The following IGDCC4 variants were observed in gnomAD, a reference collection of about 807,000 sequenced individuals.
IGDCC4 encodes likely ortholog of mouse neighbor of Punc E11.
In IGDCC4, 72 loss-of-function variants were observed where a neutral mutation model predicts 116.6. That is an observed-to-expected ratio of 0.62 (90% CI 0.51 to 0.75). The LOEUF (loss-of-function observed/expected upper bound fraction) is 0.75. Among genes scored for constraint, IGDCC4 ranks in the 30% least tolerant of loss-of-function variants. The pLI is 0.00. For missense variants in IGDCC4, 1,501 were observed against 1,662.4 expected (o/e 0.90, Z 1.69); for synonymous variants, 709 against 719.9 (o/e 0.98, Z 0.24).
intron 18 of IGDCC4, chr15:65,385,622 G>A (rs2091447755): frequency 1.6e-6 from 1 of 635,922 alleles, no homozygotes; most frequent in Non-Finnish European, 2.8e-6. Context: ...TTTCCTTCGT[G>A]AGAACCAAGC....
chr15:65,391,506 G>A (rs1350550131), intron 12 of IGDCC4, among the ~76,000 whole-genome samples: 1 of 152,174 alleles, frequency 6.6e-6, no homozygotes, highest in Non-Finnish European at 1.5e-5. Context: ...ACTCTTCTTA[G>A]ACTTGAGAGA....
Position 65,384,137 on chromosome 15 carries a change from A to G in IGDCC4, c.3625T>C (p.Ser1209Pro), listed in dbSNP as rs1421100424. Reference protein sequence around the residue: ...CLPEAASASCSYPDLQPGEVL... With the variant: ...CLPEAASASCPYPDLQPGEVL... ...TCGCCTGGCTGGAGGTCCGGGTAGG[A>G]GCAGGAAGCACTGGCTGCCTCTGGC... Residue 1209 changes from serine (S) to proline (P), a missense_variant, in exon 20 of 20, where the codon TCC (serine) becomes CCC (proline). Transcript: ENST00000352385. This position sits in a 1 kb window ranked among gnomAD's most constrained non-coding sequence, Gnocchi z 4.9. The G allele has an allele frequency of 6.2e-7, 1 of 1,613,474 alleles. No individual in the cohort carries two copies. The highest frequency in any genetic ancestry group is 8.5e-7 in the Non-Finnish European group (1 of 1,179,758).
At chr15:65,401,467 GGGTGGAGT>G (rs2062985255) in intron 4 of IGDCC4, among the ~76,000 whole-genome samples, 1 of 152,170 alleles carries the variant, frequency 6.6e-6, no homozygotes, top group Non-Finnish European at 1.5e-5. Flanking sequence ...CTGGCCCCCT[GGGTGGAGT>G]GGTGAATATC....
In IGDCC4 at chr15:65,405,276, G is replaced by A. The variant is rs1054817790; in HGVS notation, c.564-2789C>T. ...GGGTTTTCTGTAGGAGTGAGATTACGGGGGATTCTTATTTATTGTGCCTGT... is the reference window on the plus strand; with the variant it reads ...GGGTTTTCTGTAGGAGTGAGATTACAGGGGATTCTTATTTATTGTGCCTGT... On this transcript the variant is annotated intron_variant, in intron 3 of 19. Transcript: ENST00000352385. Among the ~76,000 whole-genome samples the A allele has an allele frequency of 5.3e-5, 8 of 151,322 alleles. No individual in the cohort carries two copies. In the East Asian group the frequency reaches 5.8e-4, roughly 11 times the overall value.
chr15:65,422,716 GC>G, intron 1 of IGDCC4, 76 bp downstream of exon 1: 1 of 1,150,400 alleles, frequency 8.7e-7, no homozygotes, highest in Non-Finnish European at 1.1e-6. Flanking sequence ...AGCCAGCCCC[GC>G]AGCCCGATGC....
chr15:65,388,392 C>T, intron 16 of IGDCC4, 57 bp downstream of exon 16: 9 of 1,609,406 alleles, frequency 5.6e-6, no homozygotes, highest in Non-Finnish European at 7.6e-6. Flanking sequence ...TAGTTGTGTC[C>T]ACAGGCAGGG....
At chr15:65,414,596 C>T (rs2063126233) in intron 1 of IGDCC4, among the ~76,000 whole-genome samples, 2 of 152,210 alleles carry the variant, frequency 1.3e-5, no homozygotes, top group African/African-American at 2.4e-5. Context: ...TATGTCAGGG[C>T]TACAGCCCAG....
chr15:65,388,457 T>G lies in IGDCC4; in HGVS notation c.2837A>C (p.Lys946Thr), dbSNP rs2091481428. Residue 946 changes from lysine (K) to threonine (T), a missense_variant, in exon 16 of 20, where the codon AAG (lysine) becomes ACG (threonine). Lys to Thr is a moderately conservative substitution (Grantham distance 78). Around this residue, in one of 3 missense-constraint regions of IGDCC4, gnomAD observed 235 missense variants for 328.0 expected, o/e 0.72. Transcript: ENST00000352385. ...RLQDVITLQE[K>T]LSDSLDMHSV... ...CTGCCCTGTGCTCATACCTGACAGCTTCTCCTGGAGCGTGATCACATCCTG... is the reference window on the plus strand; with the variant it reads ...CTGCCCTGTGCTCATACCTGACAGCGTCTCCTGGAGCGTGATCACATCCTG... 1 of 1,614,020 alleles carries G rather than the reference T, an allele frequency of 6.2e-7. No individual in the cohort carries two copies.
At chr15:65,391,286 A>C (rs1024940210) in intron 12 of IGDCC4, among the ~76,000 whole-genome samples, 3 of 152,192 alleles carry the variant, frequency 2.0e-5, no homozygotes, top group African/African-American at 4.8e-5. Flanking sequence ...TCCCTCTGCT[A>C]AACCATGTGG....
chr15:65,390,100 AC>A (rs1232624120), intron 13 of IGDCC4, 54 bp downstream of exon 13: 9 of 1,313,568 alleles, frequency 6.9e-6, no homozygotes, highest in Admixed American at 5.8e-5. Context: ...TCCCACCACC[AC>A]CCCCCACCTA....
At position 65,411,015 on chromosome 15, in the gene IGDCC4, C is replaced by T. The variant is rs779598932; in HGVS notation, c.421+5G>A. The T allele has an allele frequency of 6.2e-7, 1 of 1,602,326 alleles. No individual in the cohort carries two copies. Among genetic ancestry groups the T allele is most frequent in the East Asian group, 2.2e-5 (1 of 44,644 alleles). On this transcript the variant is annotated splice_donor_5th_base_variant and intron_variant, in intron 2 of 19. Transcript: ENST00000352385. ...CTCAGACCCCCGCCCGATGCAAGCA[C>T]TTACTGGCAAGCTTGACGACAGCAG...
intron 18 of IGDCC4, 45 bp from the exon 19 acceptor site, chr15:65,385,160 T>C: frequency 6.6e-7 from 1 of 1,514,488 alleles, no homozygotes; most frequent in Non-Finnish European, 8.7e-7. Flanking sequence ...CGACCAGGAT[T>C]GGCTGGGAGA....
chr15:65,402,540 G>T, intron 3 of IGDCC4, 53 bp from the exon 4 acceptor site: 2 of 1,545,942 alleles, frequency 1.3e-6, no homozygotes, highest in Non-Finnish European at 1.8e-6. Context: ...GCCACAGGGA[G>T]GGTGGCTCAT....
intron 1 of IGDCC4, among the ~76,000 whole-genome samples, chr15:65,411,989 C>T (rs577802410): frequency 2.6e-5 from 4 of 152,262 alleles, no homozygotes; most frequent in Admixed American, 6.5e-5. Context: ...TTTTGTAGTA[C>T]GTGAATTGTC....
Position 65,395,750 on chromosome 15 carries a change from C to G in IGDCC4, c.1411G>C (p.Gly471Arg), listed in dbSNP as rs201037111. The change falls in exon 7 of 20, where the codon GGC becomes CGC. Residue 471 changes from glycine to arginine, a missense_variant and splice_region_variant. Around this residue, in one of 3 missense-constraint regions of IGDCC4, gnomAD observed 898 missense variants for 978.9 expected, o/e 0.92. Transcript: ENST00000352385. Reference protein sequence around the residue: ...GFSLHYQKARGMDNVEYQFAV... With the variant: ...GFSLHYQKARRMDNVEYQFAV... ...TGCATCCCGCCCCAGGCCGACGTAC[C>G]CCGTGCCTTCTGGTAGTGGAGAGAG... 1 of 1,444,416 alleles carries G rather than the reference C, an allele frequency of 6.9e-7. No homozygotes were observed. Among genetic ancestry groups the G allele is most frequent in the Non-Finnish European group, 9.2e-7 (1 of 1,091,730 alleles). 89.5% of individuals were successfully genotyped at this position (1,444,416 alleles called of 1,614,324 possible). A position where few individuals can be genotyped will look rare whatever the true frequency, so the allele number is the denominator to read the frequency against.
In IGDCC4 at chr15:65,389,026, A is replaced by G. The variant is rs1035978754; in HGVS notation, c.2537-48T>C. The G allele has an allele frequency of 3.1e-6, 4 of 1,291,050 alleles. No individual in the cohort carries two copies. In the African/African-American group the frequency reaches 5.9e-5, roughly 19 times the overall value. The allele number at this position is 1,291,050 out of a possible 1,614,324, so 80.0% of individuals were successfully genotyped here. On this transcript the variant is annotated intron_variant, in intron 14 of 19. Transcript: ENST00000352385. ...GGGAGAGATGTCAGAGCTGGGGGAC[A>G]GAGCATGATGATATGACCTCCCTTC...
At chr15:65,412,148 G>T (rs981815198) in intron 1 of IGDCC4, among the ~76,000 whole-genome samples, 2 of 152,168 alleles carry the variant, frequency 1.3e-5, no homozygotes, top group African/African-American at 2.4e-5. Flanking sequence ...GAGCCTAGAA[G>T]TTCCAGGCTA....
chr15:65,393,957 C>T lies in IGDCC4; in HGVS notation c.1715-426G>A, dbSNP rs2062893867. Among the ~76,000 whole-genome samples, 1 of 152,200 alleles carries T rather than the reference C, an allele frequency of 6.6e-6. No homozygotes were observed. Among genetic ancestry groups the T allele is most frequent in the Admixed American group, 6.5e-5 (1 of 15,286 alleles). On this transcript the variant is annotated intron_variant, in intron 9 of 19. Transcript: ENST00000352385. The surrounding 1 kb of genome is among the most constrained non-coding windows in gnomAD (Gnocchi z 4.6). ...TTCCTCACCTTTCCCTCCTTCCTCA[C>T]CCTTCCCCTGGTCCCTCAGCTACCT...
intron 15 of IGDCC4, 98 bp from the exon 16 acceptor site, chr15:65,388,684 A>C: frequency 4.4e-6 from 7 of 1,593,856 alleles, no homozygotes; most frequent in Non-Finnish European, 6.0e-6. Context: ...CTCTCCACTT[A>C]GGCAGCAGCT....
Sources: gnomAD v4.1 joint callset for allele counts (sites outside exome capture counted in the v4.1 genomes callset) on GRCh38, gnomAD v4.1.1 for gene constraint, gnomAD v4.1.1 regional missense constraint, Gnocchi (gnomAD v3.1) non-coding constraint, MANE v1.5 for transcripts, NCBI Gene and HGNC (gene_info 2026-07-23, HGNC 2026-07-21) for gene names.